Variants in FHIT observed in about 807,000 individuals in gnomAD.
The protein encoded by FHIT is fragile histidine triad diadenosine triphosphatase, also known as bis(5'-adenosyl)-triphosphatase.
Under a neutral mutation model 17.9 loss-of-function variants are expected in FHIT, and 19 were observed. The observed-to-expected ratio is 1.06, with a 90% CI of 0.74 to 1.56. The LOEUF (loss-of-function observed/expected upper bound fraction) is 1.56. Ranked by LOEUF, FHIT falls within the 40% of genes most tolerant of loss-of-function variation. The pLI, the probability that FHIT is intolerant of heterozygous loss-of-function variation, is 0.00. For synonymous variants in FHIT, 81 were observed against 69.7 expected, an observed-to-expected ratio of 1.16 and a Z score of -0.81; for missense variants, 248 against 189.2, an observed-to-expected ratio of 1.31 and a Z score of -1.82.
intron 5 of FHIT, among the ~76,000 whole-genome samples, chr3:60,421,641 A>G (rs1416912996): frequency 6.6e-6 from 1 of 152,086 alleles, no homozygotes; most frequent in Non-Finnish European, 1.5e-5. Flanking sequence ...TTTATTACAT[A>G]AAGCATTATT....
chr3:60,201,993 T>G (rs1414368753), intron 5 of FHIT, among the ~76,000 whole-genome samples: 2 of 152,176 alleles, frequency 1.3e-5, no homozygotes, highest in African/African-American at 4.8e-5. Context: ...ATTGCCCACA[T>G]ATGTCTTCTT....
intron 2 of FHIT, among the ~76,000 whole-genome samples, chr3:61,179,447 C>A (rs1406573042): frequency 6.6e-6 from 1 of 152,110 alleles, no homozygotes; most frequent in Non-Finnish European, 1.5e-5. Flanking sequence ...CAGTGACCCA[C>A]ATCTGTAATC....
intron 5 of FHIT, among the ~76,000 whole-genome samples, chr3:60,365,639 T>G (rs2107025729): frequency 6.6e-6 from 1 of 152,308 alleles, no homozygotes; most frequent in Middle Eastern, 3.4e-3. Flanking sequence ...TTCTTAGAAC[T>G]TAGGAAGCCA....
intron 5 of FHIT, among the ~76,000 whole-genome samples, chr3:60,235,362 C>G (rs867745858): frequency 2.6e-5 from 4 of 151,826 alleles, no homozygotes; most frequent in Non-Finnish European, 4.4e-5. Context: ...TCCTGAGTAG[C>G]TGGGATTACA....
intron 5 of FHIT, among the ~76,000 whole-genome samples, chr3:60,406,181 G>A (rs1381023379): frequency 6.6e-6 from 1 of 152,114 alleles, no homozygotes; most frequent in East Asian, 1.9e-4. Context: ...AATAAATGTT[G>A]ACATATGCTT....
chr3:61,064,630 G>C (rs894121587), intron 2 of FHIT, among the ~76,000 whole-genome samples: 1 of 152,106 alleles, frequency 6.6e-6, no homozygotes, highest in Admixed American at 6.5e-5. Context: ...AAAACTTCAA[G>C]TTTACACAGA....
chr3:60,291,061 T>C (rs1707961182), intron 5 of FHIT, among the ~76,000 whole-genome samples: 1 of 152,132 alleles, frequency 6.6e-6, no homozygotes, highest in African/African-American at 2.4e-5. Flanking sequence ...TTGTCTGGGA[T>C]GATAATCAGG....
chr3:60,300,348 G>C (rs1052010165), intron 5 of FHIT, among the ~76,000 whole-genome samples: 1 of 152,082 alleles, frequency 6.6e-6, no homozygotes, highest in Non-Finnish European at 1.5e-5. Context: ...GTAACTGAGG[G>C]ATAGTAAGAG....
intron 5 of FHIT, among the ~76,000 whole-genome samples, chr3:60,330,267 C>G (rs1049392253): frequency 6.6e-6 from 1 of 152,180 alleles, no homozygotes; most frequent in African/African-American, 2.4e-5. Context: ...AGGATTCAAA[C>G]GGGTCATAAA....
chr3:60,928,406 G>T (rs1359008513), intron 3 of FHIT, among the ~76,000 whole-genome samples: 1 of 149,576 alleles, frequency 6.7e-6, no homozygotes, highest in African/African-American at 2.5e-5. Flanking sequence ...AAATTAGCCA[G>T]GCATGGTGGA....
chr3:60,246,767 T>C (rs1053892920), intron 5 of FHIT, among the ~76,000 whole-genome samples: 1 of 152,164 alleles, frequency 6.6e-6, no homozygotes, highest in African/African-American at 2.4e-5. Flanking sequence ...ACCTTCTTCA[T>C]ATTGACATTC....
At chr3:60,179,685 G>A (rs977939035) in intron 5 of FHIT, among the ~76,000 whole-genome samples, 1 of 149,362 alleles carries the variant, frequency 6.7e-6, no homozygotes, top group East Asian at 1.9e-4. Flanking sequence ...TTGTAAGTGT[G>A]TAAAAAAAAA....
intron 5 of FHIT, among the ~76,000 whole-genome samples, chr3:60,408,255 G>A (rs989959857): frequency 1.3e-5 from 2 of 152,090 alleles, no homozygotes; most frequent in East Asian, 3.9e-4. Flanking sequence ...TTCCTCAGCC[G>A]AGACTTGAGA....
At chr3:61,001,486 T>G (rs1164988080) in intron 3 of FHIT, among the ~76,000 whole-genome samples, 1 of 152,144 alleles carries the variant, frequency 6.6e-6, no homozygotes, top group Non-Finnish European at 1.5e-5. Flanking sequence ...TACAAAGGAA[T>G]GAACTATTGA....
chr3:60,547,447 C>T lies in FHIT; in HGVS notation c.-17-10468G>A, dbSNP rs531532150. On this transcript the variant is annotated intron_variant, in intron 4 of 9. Coordinates refer to ENST00000492590, the MANE Select transcript of FHIT (RefSeq NM_002012.4). ...CTTTATAAACAAACAGAAGTAGATA[C>T]ATAAATGAAAAAAAAGGTCTCACAT... is the stretch of plus-strand genomic sequence containing the variant. Among the ~76,000 whole-genome samples, 29 of 151,984 alleles carry T rather than the reference C, an allele frequency of 1.9e-4. 1 individual carries two copies. Among genetic ancestry groups the T allele is most frequent in the Admixed American group, 1.0e-3 (16 of 15,274 alleles).
intron 8 of FHIT, among the ~76,000 whole-genome samples, chr3:59,876,207 A>G (rs1050708295): frequency 1.3e-5 from 2 of 151,728 alleles, no homozygotes; most frequent in Admixed American, 6.6e-5. Flanking sequence ...ATATATATGT[A>G]TATATGCAGA....
intron 2 of FHIT, among the ~76,000 whole-genome samples, chr3:61,111,197 G>A (rs763405588): frequency 1.3e-5 from 2 of 152,044 alleles, no homozygotes; most frequent in African/African-American, 4.8e-5. Context: ...TTTAAGCCTC[G>A]GTGCCTTTAA....
rs59119155 is a variant in FHIT at position 60,700,543 on chromosome 3, A to ATT, written c.-18+121374_-18+121375dup. Among the ~76,000 whole-genome samples the ATT allele has an allele frequency of 2.4e-4, 36 of 151,238 alleles. No homozygotes were observed. The South Asian group carries it at 6.3e-3, about 26-fold the overall frequency. ...TTTTATGTTAATGTTATTTGTCTTG[A>ATT]TTTTTTTTTGCCACTACTAAAAATG... is the stretch of plus-strand genomic sequence containing the variant. On this transcript the variant is annotated intron_variant, in intron 4 of 9. Coordinates refer to ENST00000492590, the MANE Select transcript of FHIT (RefSeq NM_002012.4).
intron 8 of FHIT, among the ~76,000 whole-genome samples, chr3:59,836,111 A>C (rs915320364): frequency 3.3e-5 from 5 of 152,148 alleles, no homozygotes; most frequent in African/African-American, 1.2e-4. Flanking sequence ...ATGAGTTTAC[A>C]AAGAAGACTC....
Sources: gnomAD v4.1 joint callset for allele counts (sites outside exome capture counted in the v4.1 genomes callset) on GRCh38, gnomAD v4.1.1 for gene constraint, MANE v1.5 for transcripts, NCBI Gene and HGNC (gene_info 2026-07-23, HGNC 2026-07-21) for gene names.